The following GRM5 variants were observed in gnomAD, a reference collection of about 807,000 sequenced individuals.
GRM5 encodes the protein metabotropic glutamate receptor 5.
GRM5 carries 19 observed loss-of-function variants against 83.1 expected under a neutral mutation model. That is an observed-to-expected ratio of 0.23 (90% CI 0.16 to 0.34). The LOEUF (loss-of-function observed/expected upper bound fraction) is 0.34, where lower values mean the gene tolerates loss of function less well. GRM5 is among the 10% of genes least tolerant of loss of function. GRM5 has a pLI of 1.00. For synonymous variants in GRM5, 675 were observed against 633.6 expected, an observed-to-expected ratio of 1.07 and a Z score of -0.98; for missense variants, 1,160 against 1,588.3, an observed-to-expected ratio of 0.73 and a Z score of 4.58.
chr11:89,038,821 T>A (rs186924506), intron 2 of GRM5, among the ~76,000 whole-genome samples: 142 of 152,310 alleles, frequency 9.3e-4, no homozygotes, highest in African/African-American at 3.3e-3. Context: ...GAGATTTAGA[T>A]TTGTTTCAAA....
intron 7 of GRM5, among the ~76,000 whole-genome samples, chr11:88,572,203 G>A (rs1048835496): frequency 2.6e-5 from 4 of 152,148 alleles, no homozygotes; most frequent in African/African-American, 9.7e-5. Flanking sequence ...TTTTATAGAA[G>A]CTGAAAATAA....
intron 4 of GRM5, among the ~76,000 whole-genome samples, chr11:88,633,360 G>A (rs1939032164): frequency 6.6e-6 from 1 of 152,094 alleles, no homozygotes; most frequent in East Asian, 1.9e-4. Context: ...TAATTTTGAT[G>A]AAGTCCAACA....
chr11:88,691,186 A>G (rs1379455953), intron 3 of GRM5, among the ~76,000 whole-genome samples: 2 of 152,214 alleles, frequency 1.3e-5, no homozygotes, highest in Non-Finnish European at 2.9e-5. Flanking sequence ...TATATTTCTA[A>G]TAAAGTTAAA....
At chr11:88,606,981 C>T (rs1405936998) in intron 4 of GRM5, among the ~76,000 whole-genome samples, 2 of 142,528 alleles carry the variant, frequency 1.4e-5, no homozygotes, top group Non-Finnish European at 3.0e-5. Flanking sequence ...ACAACAACAA[C>T]TCTCCAAAGG....
intron 7 of GRM5, among the ~76,000 whole-genome samples, chr11:88,573,197 A>AAT (rs1264708723): frequency 1.3e-5 from 2 of 152,034 alleles, no homozygotes; most frequent in Non-Finnish European, 2.9e-5. Flanking sequence ...TCTTTTTTTA[A>AAT]AGAGGGAAAG....
At chr11:88,935,602 T>A (rs908828889) in intron 2 of GRM5, among the ~76,000 whole-genome samples, 11 of 151,918 alleles carry the variant, frequency 7.2e-5, no homozygotes, top group African/African-American at 2.2e-4. Context: ...AGGAAGAGTG[T>A]GATGGTCAAA....
At chr11:88,725,771 T>C (rs567183937) in intron 3 of GRM5, among the ~76,000 whole-genome samples, 1 of 152,020 alleles carries the variant, frequency 6.6e-6, no homozygotes, top group African/African-American at 2.4e-5. Flanking sequence ...TCCAGCAAAC[T>C]CCAGCAGACC....
chr11:89,039,626 C>A lies in GRM5; in HGVS notation c.661+7586G>T, dbSNP rs536166228. Among the ~76,000 whole-genome samples the A allele has an allele frequency of 2.6e-5, 4 of 152,284 alleles. No homozygotes were observed. The East Asian group carries it at 7.7e-4, about 29-fold the overall frequency. On this transcript the variant is annotated intron_variant, in intron 2 of 9. Transcript: ENST00000305447. ...TCTGTCAACTGCTGGCCAGAGTGAA[C>A]CTAGCTCTTTTCCACCTGAATTTAC...
intron 3 of GRM5, among the ~76,000 whole-genome samples, chr11:88,691,111 A>G (rs1940771829): frequency 6.6e-6 from 1 of 152,186 alleles, no homozygotes; most frequent in African/African-American, 2.4e-5. Flanking sequence ...AATTGCAGAG[A>G]ATGATGGGCT....
intron 2 of GRM5, among the ~76,000 whole-genome samples, chr11:88,988,262 G>A (rs373834420): frequency 3.9e-5 from 6 of 152,214 alleles, no homozygotes; most frequent in South Asian, 2.1e-4. Flanking sequence ...GGGTACCAGC[G>A]ATGGAAGATG....
At chr11:88,573,552 G>A (rs1943049437) in intron 7 of GRM5, among the ~76,000 whole-genome samples, 1 of 152,140 alleles carries the variant, frequency 6.6e-6, no homozygotes, top group African/African-American at 2.4e-5. Context: ...GAATCTCTGA[G>A]AATAAGATGT....
At chr11:88,590,927 A>G (rs920511101) in intron 6 of GRM5, among the ~76,000 whole-genome samples, 200 bp from the exon 7 acceptor site, 3 of 152,190 alleles carry the variant, frequency 2.0e-5, no homozygotes, top group African/African-American at 7.2e-5. Context: ...CCAGCGTCAT[A>G]AAGTTAGCTT....
chr11:88,774,869 G>C (rs1181933125), intron 3 of GRM5, among the ~76,000 whole-genome samples: 1 of 152,132 alleles, frequency 6.6e-6, no homozygotes, highest in South Asian at 2.1e-4. Context: ...GAGGATTTTT[G>C]CATTGATGTT....
At chr11:88,794,613 T>C (rs929355864) in intron 3 of GRM5, among the ~76,000 whole-genome samples, 2 of 152,198 alleles carry the variant, frequency 1.3e-5, no homozygotes, top group African/African-American at 4.8e-5. Flanking sequence ...GGTGAGTCCA[T>C]GGGCATGGAT....
At chr11:88,581,551 C>A (rs903756999) in intron 7 of GRM5, among the ~76,000 whole-genome samples, 8 of 152,204 alleles carry the variant, frequency 5.3e-5, no homozygotes, top group Non-Finnish European at 2.9e-5. Flanking sequence ...AGCACAAATT[C>A]TCAGCTGTAC....
intron 2 of GRM5, among the ~76,000 whole-genome samples, chr11:88,872,218 G>A (rs1018846467): frequency 1.3e-4 from 20 of 151,386 alleles, no homozygotes; most frequent in African/African-American, 4.6e-4. Context: ...ACAGAGTAAT[G>A]AAATATAAAA....
intron 2 of GRM5, among the ~76,000 whole-genome samples, chr11:88,981,472 G>A (rs773478147): frequency 7.2e-5 from 11 of 152,070 alleles, no homozygotes; most frequent in Middle Eastern, 3.2e-3. Flanking sequence ...CTAGTTAATT[G>A]TGATCTTTAT....
chr11:88,664,313 A>G (rs1171437244), intron 3 of GRM5, among the ~76,000 whole-genome samples: 1 of 89,424 alleles, frequency 1.1e-5, no homozygotes, highest in East Asian at 3.4e-4. Flanking sequence ...GAATCAATCA[A>G]CCCAGATTTA....
chr11:89,041,669 C>A (rs1941538165), intron 2 of GRM5, among the ~76,000 whole-genome samples: 1 of 152,160 alleles, frequency 6.6e-6, no homozygotes, highest in African/African-American at 2.4e-5. Context: ...CTTTCCAGAG[C>A]TATCTGTATT....
Sources: allele counts gnomAD v4.1 joint callset (sites outside exome capture counted in the v4.1 genomes callset), GRCh38; gene constraint gnomAD v4.1.1; transcripts MANE v1.5; gene names NCBI Gene and HGNC (gene_info 2026-07-23, HGNC 2026-07-21).